Variants in MYO5A observed in about 807,000 individuals in gnomAD.
MYO5A encodes the protein myosin VA, also known as unconventional myosin-Va.
In MYO5A, 98 loss-of-function variants were observed where a neutral mutation model predicts 249.7. The observed-to-expected ratio is 0.39, with a 90% CI of 0.33 to 0.46. The LOEUF is 0.46. Among genes scored for constraint, MYO5A ranks in the 20% least tolerant of loss-of-function variants. The pLI, the probability that MYO5A is intolerant of heterozygous loss-of-function variation, is 0.98. For synonymous variants in MYO5A, 778 were observed against 810.6 expected, an observed-to-expected ratio of 0.96 and a Z score of 0.68; for missense variants, 1,696 against 2,308.8, an observed-to-expected ratio of 0.73 and a Z score of 5.44.
At chr15:52,463,001 G>A (rs1429488342) in intron 1 of MYO5A, among the ~76,000 whole-genome samples, 1 of 152,100 alleles carries the variant, frequency 6.6e-6, no homozygotes, top group Non-Finnish European at 1.5e-5. Flanking sequence ...TTGGGTGGTC[G>A]GGTTCTCAGT....
intron 1 of MYO5A, among the ~76,000 whole-genome samples, chr15:52,448,161 A>G (rs1294586676): frequency 6.6e-6 from 1 of 152,260 alleles, no homozygotes; most frequent in East Asian, 1.9e-4. Context: ...AGAGCCCTGC[A>G]AAGCCACAGA....
chr15:52,416,751 T>C (rs1256201092), intron 4 of MYO5A, among the ~76,000 whole-genome samples: 1 of 152,246 alleles, frequency 6.6e-6, no homozygotes. Context: ...GTTTTATGAC[T>C]TGGGTTTATC....
At chr15:52,487,346 G>A (rs544667068) in intron 1 of MYO5A, among the ~76,000 whole-genome samples, 114 of 152,044 alleles carry the variant, frequency 7.5e-4, no homozygotes, top group African/African-American at 2.6e-3. Flanking sequence ...AGGACAGGAG[G>A]TCAAGACTGC....
At chr15:52,505,800 G>A (rs1447149299) in intron 1 of MYO5A, 2 of 1,591,202 alleles carry the variant, frequency 1.3e-6, no homozygotes, top group Non-Finnish European at 1.7e-6. Context: ...TGCTGGAGGA[G>A]CAGATCACTG....
chr15:52,463,805 T>C (rs1273658896), intron 1 of MYO5A, among the ~76,000 whole-genome samples: 1 of 152,234 alleles, frequency 6.6e-6, no homozygotes, highest in Non-Finnish European at 1.5e-5. Context: ...GTTAGAAGCT[T>C]CCACCAGATC....
intron 1 of MYO5A, among the ~76,000 whole-genome samples, chr15:52,469,923 T>G (rs765610569): frequency 1.3e-5 from 2 of 152,240 alleles, no homozygotes; most frequent in Non-Finnish European, 2.9e-5. Flanking sequence ...CCAAGATTCA[T>G]AGCCCAAAAC....
chr15:52,378,049 G>A (rs1446225369), intron 18 of MYO5A, among the ~76,000 whole-genome samples: 1 of 152,020 alleles, frequency 6.6e-6, no homozygotes, highest in Non-Finnish European at 1.5e-5. Context: ...TAGAAAAGTG[G>A]TCCTTACCCG....
At chr15:52,485,276 AAAAC>A (rs1218796190) in intron 1 of MYO5A, among the ~76,000 whole-genome samples, 3 of 151,302 alleles carry the variant, frequency 2.0e-5, no homozygotes, top group African/African-American at 4.9e-5. Context: ...AAAAAAAAAA[AAAAC>A]AAGACTGTCA....
chr15:52,372,006 C>G (rs2041149059), intron 21 of MYO5A, 118 bp downstream of exon 21: 1 of 1,458,350 alleles, frequency 6.9e-7, no homozygotes, highest in Middle Eastern at 2.4e-4. Flanking sequence ...TAAATACGGT[C>G]ATAATTTTAC....
chr15:52,327,897 C>T lies in MYO5A; in HGVS notation c.4665G>A (p.Arg1555=). 6.2e-7 allele frequency: 1 copy of T among 1,613,950 alleles called. No homozygotes were observed. Among genetic ancestry groups the T allele is most frequent in the South Asian group, 1.1e-5 (1 of 91,078 alleles). ...ADYLNDDQKV[R]SLLTSTINSI... ...TGTTAATTGTTGATGTTAGCAACGA[C>T]CTTACTTTCTGATCATCATTCAGGT... Residue 1555 remains arginine, a synonymous_variant, in exon 36 of 42, where the codon AGG becomes AGA. Coordinates refer to ENST00000399233, the MANE Select transcript of MYO5A (RefSeq NM_001382347.1).
intron 1 of MYO5A, among the ~76,000 whole-genome samples, chr15:52,482,576 A>G (rs1271102754): frequency 6.6e-6 from 1 of 152,210 alleles, no homozygotes; most frequent in Non-Finnish European, 1.5e-5. Context: ...TTCATCACAC[A>G]TCAAAAACAA....
intron 1 of MYO5A, among the ~76,000 whole-genome samples, chr15:52,483,547 A>C (rs1043349460): frequency 5.9e-5 from 9 of 151,888 alleles, no homozygotes; most frequent in African/African-American, 1.9e-4. Context: ...ACAACAAAAA[A>C]CTATGGGTGC....
intron 11 of MYO5A, among the ~76,000 whole-genome samples, 153 bp from the exon 12 acceptor site, chr15:52,392,223 AAAC>A (rs899537916): frequency 1.4e-4 from 22 of 152,260 alleles, no homozygotes; most frequent in Non-Finnish European, 2.9e-5. Flanking sequence ...AAAGCAAATA[AAAC>A]AACAGGAAAA....
intron 1 of MYO5A, among the ~76,000 whole-genome samples, chr15:52,502,296 A>G (rs1230560720): frequency 1.3e-5 from 2 of 152,078 alleles, no homozygotes; most frequent in African/African-American, 4.8e-5. Context: ...ACATATATAC[A>G]TACATACATA....
At chr15:52,354,929 A>G (rs1180443092) in intron 25 of MYO5A, among the ~76,000 whole-genome samples, 1 of 152,206 alleles carries the variant, frequency 6.6e-6, no homozygotes, top group Non-Finnish European at 1.5e-5. Context: ...ATGATCACAC[A>G]AACTGTAGGA....
At chr15:52,382,947 A>G (rs1203893372) in intron 16 of MYO5A, 144 bp downstream of exon 16, 3 of 721,132 alleles carry the variant, frequency 4.2e-6, no homozygotes, top group Non-Finnish European at 7.5e-6. Flanking sequence ...TCTACTGACT[A>G]GTGGTTTCCC....
chr15:52,375,383 C>T lies in MYO5A; in HGVS notation c.2498G>A (p.Arg833Lys), dbSNP rs773566132. ...AGTGGCAGCTCGTCTAATCTTGTAC[C>T]TCCTGCGGACCACATACATGCGCCA... ...KYWRMYVVRR[R>K]YKIRRAATIV... Residue 833 changes from arginine to lysine, a missense_variant, in exon 20 of 42, where the codon AGG becomes AAG. Transcript: ENST00000399233. 4 of 1,614,116 alleles carry T rather than the reference C, an allele frequency of 2.5e-6. No individual in the cohort carries two copies. In the East Asian group the frequency reaches 6.7e-5, roughly 27 times the overall value.
intron 19 of MYO5A, among the ~76,000 whole-genome samples, chr15:52,375,878 A>G (rs2041385949): frequency 6.6e-6 from 1 of 151,994 alleles, no homozygotes; most frequent in East Asian, 1.9e-4. Flanking sequence ...CATCTACCAT[A>G]TTTTTCCTGA....
At chr15:52,435,966 G>A (rs917500524) in intron 1 of MYO5A, among the ~76,000 whole-genome samples, 1 of 152,178 alleles carries the variant, frequency 6.6e-6, no homozygotes, top group Non-Finnish European at 1.5e-5. Context: ...TGCCCAGGTT[G>A]GAGTGCAATG....
Sources: allele counts gnomAD v4.1 joint callset (sites outside exome capture counted in the v4.1 genomes callset), GRCh38; gene constraint gnomAD v4.1.1; transcripts MANE v1.5; gene names NCBI Gene and HGNC (gene_info 2026-07-23, HGNC 2026-07-21).